The following MICAL3 variants were observed in gnomAD, a reference collection of about 807,000 sequenced individuals.
MICAL3 encodes the protein [F-actin]-monooxygenase MICAL3.
MICAL3 carries 62 observed loss-of-function variants against 207.4 expected under a neutral mutation model. The ratio of observed to expected loss-of-function variants is 0.30; its 90% CI spans 0.24 to 0.37. The LOEUF is 0.37. Among genes scored for constraint, MICAL3 ranks in the 10% least tolerant of loss-of-function variants. The pLI, the probability that MICAL3 is intolerant of heterozygous loss-of-function variation, is 1.00. For missense variants in MICAL3, 2,368 were observed against 2,635.6 expected, an observed-to-expected ratio of 0.90 and a Z score of 2.22; for synonymous variants, 1,077 against 1,069.3, an observed-to-expected ratio of 1.01 and a Z score of -0.14.
At chr22:17,960,520 A>G (rs989490430) in intron 1 of MICAL3, among the ~76,000 whole-genome samples, 4 of 152,114 alleles carry the variant, frequency 2.6e-5, no homozygotes, top group Admixed American at 2.6e-4. Flanking sequence ...GGAAGGAAAC[A>G]TGCACCCTGG....
intron 1 of MICAL3, among the ~76,000 whole-genome samples, chr22:17,987,429 G>T (rs373109202): frequency 6.6e-6 from 1 of 152,216 alleles, no homozygotes. Flanking sequence ...CCCGCCCTCT[G>T]CAGCTTAGAT....
rs1370549789 is a variant in MICAL3 at position 17,872,338 on chromosome 22, G to GC, written c.2242-316dup. Reference sequence around the variant, plus strand: ...TTGAGTAATGCTATGATACAGCCTGGCGACGCCGGGAAATATCGACAAGAA... The same window carrying GC: ...TTGAGTAATGCTATGATACAGCCTGGCCGACGCCGGGAAATATCGACAAGAA... On this transcript the variant is annotated intron_variant, in intron 16 of 31. Transcript: ENST00000441493. Among the ~76,000 whole-genome samples, 9 of 152,268 alleles carry GC rather than the reference G, an allele frequency of 5.9e-5. No individual in the cohort carries two copies. In the South Asian group the frequency reaches 1.9e-3, roughly 32 times the overall value.
At chr22:17,858,180 C>A (rs1926130046) in intron 19 of MICAL3, among the ~76,000 whole-genome samples, 2 of 152,232 alleles carry the variant, frequency 1.3e-5, no homozygotes, top group Non-Finnish European at 2.9e-5. Flanking sequence ...CTACCACCCC[C>A]TCCCGCCAAG....
chr22:17,829,125 G>C (rs184219196), intron 21 of MICAL3, among the ~76,000 whole-genome samples: 3 of 151,256 alleles, frequency 2.0e-5, no homozygotes, highest in African/African-American at 7.3e-5. Context: ...GATGTTGCTG[G>C]TCTCTATAGA....
chr22:17,980,972 T>C lies in MICAL3; in HGVS notation c.-75+43309A>G, dbSNP rs548684542. 2.0e-5 allele frequency: 10 copies of C among 511,892 alleles called. No homozygotes were observed. In the East Asian group the frequency reaches 2.8e-4, roughly 15 times the overall value. 31.7% of individuals were successfully genotyped at this position (511,892 alleles called of 1,614,324 possible). On this transcript the variant is annotated intron_variant, in intron 1 of 31. Coordinates refer to ENST00000441493, the MANE Select transcript of MICAL3 (RefSeq NM_015241.3). The stretch of plus-strand genomic sequence containing the variant: ...GGAGGTGTCTGTGATCATCTGTCTA[T>C]TGGTCCCCTCCAGACACTGTGGACT...
chr22:17,918,052 G>A (rs1932646596), intron 1 of MICAL3, among the ~76,000 whole-genome samples: 1 of 152,176 alleles, frequency 6.6e-6, no homozygotes, highest in Non-Finnish European at 1.5e-5. Flanking sequence ...TTGGTAAACT[G>A]TCTTCACTAA....
chr22:17,914,396 C>T (rs1197901327), intron 1 of MICAL3, among the ~76,000 whole-genome samples: 2 of 152,154 alleles, frequency 1.3e-5, no homozygotes, highest in Non-Finnish European at 2.9e-5. Context: ...GCATCTTCAC[C>T]ACCATCCCGC....
At chr22:17,803,754 TG>T (rs887769248) in intron 29 of MICAL3, 17 of 865,308 alleles carry the variant, frequency 2.0e-5, no homozygotes, top group Non-Finnish European at 2.2e-5. Context: ...CTGGGAAGCG[TG>T]GGTGGAGAAA....
At chr22:17,886,081 C>A (rs367847172) in intron 15 of MICAL3, 30 bp from the exon 16 acceptor site, 3 of 1,610,424 alleles carry the variant, frequency 1.9e-6, no homozygotes, top group African/African-American at 2.7e-5. Flanking sequence ...AAGAACCCGG[C>A]GCTGTGACAG....
chr22:17,810,242 T>C (rs2062031242), intron 28 of MICAL3, among the ~76,000 whole-genome samples: 1 of 151,816 alleles, frequency 6.6e-6, no homozygotes, highest in Admixed American at 6.6e-5. Flanking sequence ...TTTTGTATTT[T>C]TAGTAGAGAC....
intron 21 of MICAL3, among the ~76,000 whole-genome samples, chr22:17,829,355 G>A (rs1346797808): frequency 6.6e-6 from 1 of 152,162 alleles, no homozygotes; most frequent in Non-Finnish European, 1.5e-5. Context: ...TTTTAGTAGA[G>A]ACAGGGTTTC....
chr22:17,817,775 G>C lies in MICAL3; in HGVS notation c.4886C>G (p.Ala1629Gly). ...RMQQMELASG[A>G]PRPRKASSAP... ...TGAGGACGCCTTGCGGGGCCTGGGGGCGCCTGAGGCCAGCTCCATCTGCTG... is the reference window on the plus strand; with the variant it reads ...TGAGGACGCCTTGCGGGGCCTGGGGCCGCCTGAGGCCAGCTCCATCTGCTG... Residue 1629 changes from alanine to glycine, a missense_variant, in exon 26 of 32, where the codon GCC (alanine) becomes GGC (glycine). By Grantham distance (60) the Ala-to-Gly change is moderately conservative (BLOSUM62 0). Transcript: ENST00000441493. The C allele has an allele frequency of 6.3e-7, 1 of 1,597,030 alleles. No homozygotes were observed. Among genetic ancestry groups the C allele is most frequent in the Non-Finnish European group, 8.5e-7 (1 of 1,171,228 alleles).
At chr22:17,892,085 G>A (rs374259563) in intron 11 of MICAL3, among the ~76,000 whole-genome samples, 13 of 152,318 alleles carry the variant, frequency 8.5e-5, no homozygotes, top group African/African-American at 3.1e-4. Flanking sequence ...AGGGTGGCAC[G>A]TTCAACCCAA....
chr22:17,896,127 A>C (rs544206866), intron 9 of MICAL3, 119 bp downstream of exon 9: 46 of 588,874 alleles, frequency 7.8e-5, no homozygotes, highest in African/African-American at 7.7e-4. Context: ...CCACATGAAA[A>C]CATCTTTAAT....
At chr22:17,865,826 G>A (rs1927046682) in intron 18 of MICAL3, 98 bp downstream of exon 18, 6 of 936,822 alleles carry the variant, frequency 6.4e-6, no homozygotes, top group Non-Finnish European at 8.7e-6. Context: ...GGAGAGGCAA[G>A]GACGCAGGGG....
chr22:17,832,642 G>A (rs1922927996), intron 20 of MICAL3, among the ~76,000 whole-genome samples: 1 of 152,196 alleles, frequency 6.6e-6, no homozygotes, highest in South Asian at 2.1e-4. Context: ...AATTGAGAAT[G>A]GAAAGTCTTC....
intron 22 of MICAL3, chr22:17,826,665 A>G (rs1922219277): frequency 4.9e-6 from 1 of 203,258 alleles, no homozygotes; most frequent in Non-Finnish European, 8.7e-6. Flanking sequence ...AAGGGGTGCG[A>G]GCCCTGATGT....
At chr22:17,891,336 A>T in intron 12 of MICAL3, 149 bp downstream of exon 12, 1 of 661,026 alleles carries the variant, frequency 1.5e-6, no homozygotes, top group Non-Finnish European at 2.6e-6. Context: ...CAGAGTTTCA[A>T]ATATAGTGAA....
At chr22:17,966,241 CTGAGA>C (rs1316381231) in intron 1 of MICAL3, among the ~76,000 whole-genome samples, 2 of 152,194 alleles carry the variant, frequency 1.3e-5, no homozygotes, top group Non-Finnish European at 2.9e-5. Context: ...CCCACTTTCC[CTGAGA>C]TAACTGCCCT....
Sources: allele counts gnomAD v4.1 joint callset (sites outside exome capture counted in the v4.1 genomes callset), GRCh38; gene constraint gnomAD v4.1.1; transcripts MANE v1.5; gene names NCBI Gene and HGNC (gene_info 2026-07-23, HGNC 2026-07-21).